PMS2: variants seen among roughly 807,000 people sequenced by gnomAD.
PMS2 encodes mismatch repair endonuclease PMS2.
Under a neutral mutation model 90.0 loss-of-function variants are expected in PMS2, and 69 were observed. The ratio of observed to expected loss-of-function variants is 0.77; its 90% CI spans 0.63 to 0.94. The LOEUF (loss-of-function observed/expected upper bound fraction) is 0.94, where lower values mean the gene tolerates loss of function less well. PMS2 is among the 40% of genes least tolerant of loss of function. The pLI, the probability that PMS2 is intolerant of heterozygous loss-of-function variation, is 0.00. For missense variants in PMS2, 966 were observed against 1,040.2 expected (o/e 0.93, Z 0.98); for synonymous variants, 332 against 375.1 (o/e 0.89, Z 1.33).
intron 5 of PMS2, chr7:6,001,829 C>T (rs1273891632): frequency 2.0e-5 from 3 of 151,748 alleles, no homozygotes; most frequent in East Asian, 1.9e-4. Flanking sequence ...CCCGTCTCTA[C>T]TAAAAATACA....
intron 11 of PMS2, among the ~76,000 whole-genome samples, chr7:5,983,467 A>C (rs1465169261): frequency 6.6e-6 from 1 of 151,700 alleles, no homozygotes; most frequent in Non-Finnish European, 1.5e-5. Flanking sequence ...TCTCCGGAGA[A>C]GACATCAGTT....
intron 9 of PMS2, 121 bp from the exon 10 acceptor site, chr7:5,990,076 C>G: frequency 1.7e-6 from 1 of 573,110 alleles, no homozygotes. Context: ...GGCGCGATCT[C>G]AGCTCACTGC....
In PMS2 at chr7:5,987,503, C is replaced by T. The variant is rs778482303; in HGVS notation, c.1262G>A (p.Arg421Gln). The stretch of plus-strand genomic sequence containing the variant: ...TGTGTGACGAAGAGAAAAGGCCTCT[C>T]GCAGTCTGGAAATGGACACGTCTTT... ...EKKDVSISRL[R>Q]EAFSLRHTTE... The change falls in exon 11 of 15, where the codon CGA becomes CAA. Residue 421 changes from arginine (R) to glutamine (Q), a missense_variant. Physicochemically the swap from Arg to Gln is conservative, Grantham distance 43. Transcript: ENST00000265849. 1.4e-5 allele frequency: 23 copies of T among 1,614,008 alleles called. No individual in the cohort carries two copies. The highest frequency in any genetic ancestry group is 3.3e-4 in the Middle Eastern group (2 of 6,084).
chr7:5,996,368 A>G (rs2128780243), intron 7 of PMS2, among the ~76,000 whole-genome samples: 1 of 152,112 alleles, frequency 6.6e-6, no homozygotes, highest in South Asian at 2.1e-4. Flanking sequence ...AGCCTGGGCA[A>G]CATGGCGAAA....
intron 8 of PMS2, among the ~76,000 whole-genome samples, chr7:5,993,895 T>C (rs1406647720): frequency 3.2e-5 from 4 of 125,000 alleles, no homozygotes; most frequent in East Asian, 2.4e-4. Flanking sequence ...AAAGGAAATA[T>C]AGAAACCATG....
chr7:6,007,715 C>A (rs910906963), intron 1 of PMS2, among the ~76,000 whole-genome samples: 6 of 152,174 alleles, frequency 3.9e-5, no homozygotes, highest in African/African-American at 1.4e-4. Flanking sequence ...AACCTCTTTA[C>A]TCTTCATTCC....
chr7:5,993,442 A>C (rs1784000608), intron 8 of PMS2, among the ~76,000 whole-genome samples: 1 of 151,714 alleles, frequency 6.6e-6, no homozygotes, highest in Non-Finnish European at 1.5e-5. Flanking sequence ...TGTTGCTAAG[A>C]TACAAACTCA....
intron 11 of PMS2, among the ~76,000 whole-genome samples, chr7:5,984,040 A>C (rs1415740184): frequency 3.3e-5 from 5 of 151,890 alleles, no homozygotes; most frequent in Non-Finnish European, 7.3e-5. Flanking sequence ...AGGACATTTC[A>C]GTTGTTTCCA....
intron 9 of PMS2, among the ~76,000 whole-genome samples, chr7:5,991,537 T>TA (rs34698038): frequency 7.1e-4 from 103 of 145,312 alleles, no homozygotes; most frequent in Non-Finnish European, 7.4e-4. Flanking sequence ...GAACTCTGTT[T>TA]AAAAAAAAAA....
chr7:6,002,709 C>G, intron 4 of PMS2, 73 bp from the exon 5 acceptor site: 1 of 1,180,022 alleles, frequency 8.5e-7, no homozygotes, highest in East Asian at 2.3e-5. Context: ...CTCTTTTCTT[C>G]ACTTGCTTTT....
intron 10 of PMS2, among the ~76,000 whole-genome samples, chr7:5,987,863 T>C (rs1783222300): frequency 6.6e-6 from 1 of 152,044 alleles, no homozygotes; most frequent in Admixed American, 6.6e-5. Flanking sequence ...AGGACTGGTC[T>C]GGACAACATG....
At chr7:5,994,719 T>G (rs1231766787) in intron 8 of PMS2, among the ~76,000 whole-genome samples, 1 of 150,912 alleles carries the variant, frequency 6.6e-6, no homozygotes, top group African/African-American at 2.4e-5. Flanking sequence ...GAGCTTGCAG[T>G]GAGCCGAGAC....
At chr7:6,005,715 T>C (rs914427183) in intron 2 of PMS2, among the ~76,000 whole-genome samples, 177 bp downstream of exon 2, 3 of 152,214 alleles carry the variant, frequency 2.0e-5, no homozygotes, top group Admixed American at 1.3e-4. Flanking sequence ...ATAAAAGCTG[T>C]TATTATTATT....
At position 5,999,233 on chromosome 7, in the gene PMS2, T is replaced by C. The variant is rs1554302492; in HGVS notation, c.580A>G (p.Ile194Val). The stretch of plus-strand genomic sequence containing the variant: ...CAACTTACACGGATGCCTGCTGAAA[T>C]GATACAGTATGCATGTAAGACCTGG... ...MVQVLHAYCI[I>V]SAGIRVSCTN... Residue 194 changes from isoleucine (I) to valine (V), a missense_variant, in exon 6 of 15, where the codon ATT becomes GTT. Ile to Val is a conservative substitution (Grantham distance 29). This residue lies in a region of PMS2 where 871 missense variants were observed against 802.4 expected (regional missense o/e 1.09). Coordinates refer to ENST00000265849, the MANE Select transcript of PMS2 (RefSeq NM_000535.7). 2 of 1,614,066 alleles carry C rather than the reference T, an allele frequency of 1.2e-6. No homozygotes were observed. Among genetic ancestry groups the C allele is most frequent in the Non-Finnish European group, 1.7e-6 (2 of 1,179,978 alleles).
chr7:5,977,936 G>A (rs1422792568), intron 13 of PMS2, among the ~76,000 whole-genome samples, 179 bp from the exon 14 acceptor site: 2 of 150,590 alleles, frequency 1.3e-5, no homozygotes, highest in African/African-American at 4.9e-5. Flanking sequence ...TGGCTAACAT[G>A]GTGAAACCCC....
Position 6,003,795 on chromosome 7 carries a change from G to A in PMS2, c.251-3C>T, listed in dbSNP as rs1785386998. 1 of 1,582,412 alleles carries A rather than the reference G, an allele frequency of 6.3e-7. No homozygotes were observed. Among genetic ancestry groups the A allele is most frequent in the African/African-American group, 1.3e-5 (1 of 74,290 alleles). ...CTTAGATGTGTGATGTTTCAGAGCT[G>A]AAAGAGAGTGTAAAGTAAGGACTAA... On this transcript the variant is annotated splice_region_variant and splice_polypyrimidine_tract_variant and intron_variant, in intron 3 of 14. Transcript: ENST00000265849.
chr7:6,008,445 A>C (rs996183363), intron 1 of PMS2, among the ~76,000 whole-genome samples: 13 of 152,034 alleles, frequency 8.6e-5, no homozygotes, highest in Non-Finnish European at 1.8e-4. Flanking sequence ...ACCGTCCCCA[A>C]AATAACCTTA....
intron 5 of PMS2, among the ~76,000 whole-genome samples, chr7:6,000,219 C>A (rs1377507416): frequency 1.3e-5 from 2 of 151,018 alleles, no homozygotes; most frequent in Admixed American, 6.6e-5. Context: ...ACAAAAAAAA[C>A]AAAAATTAGC....
chr7:5,999,636 T>A (rs545792163), intron 5 of PMS2, among the ~76,000 whole-genome samples: 1,638 of 149,346 alleles, frequency 0.011, 16 homozygotes, highest in Middle Eastern at 0.041. Context: ...ACAAAAAATT[T>A]AAAAAAAAAA....
Sources: allele counts gnomAD v4.1 joint callset (sites outside exome capture counted in the v4.1 genomes callset), GRCh38; gene constraint gnomAD v4.1.1; regional missense constraint gnomAD v4.1.1; transcripts MANE v1.5; gene names NCBI Gene and HGNC (gene_info 2026-07-23, HGNC 2026-07-21).